Variants in ANKRD30A observed in about 807,000 individuals in gnomAD.
The protein encoded by ANKRD30A is ankyrin repeat domain-containing protein 30A.
In ANKRD30A, 170 loss-of-function variants were observed where a neutral mutation model predicts 166.3. The observed-to-expected ratio is 1.02, with a 90% CI of 0.90 to 1.16. The LOEUF (loss-of-function observed/expected upper bound fraction) is 1.16. Among genes scored for constraint, ANKRD30A ranks in the 50% most tolerant of loss-of-function variants. The pLI is 0.00. For synonymous variants in ANKRD30A, 564 were observed against 508.9 expected, an observed-to-expected ratio of 1.11 and a Z score of -1.46; for missense variants, 1,630 against 1,518.0, an observed-to-expected ratio of 1.07 and a Z score of -1.23.
the ANKRD30A span, among the ~76,000 whole-genome samples, chr10:37,237,757 C>T: frequency 6.6e-6 from 1 of 152,202 alleles, no homozygotes; most frequent in Non-Finnish European, 1.5e-5. Context: ...AAGCTATACA[C>T]ACCTCGAAGC....
At chr10:37,192,971 T>C (rs528574098) in intron 25 of ANKRD30A, 93 bp from the exon 26 acceptor site, 1 of 1,483,228 alleles carries the variant, frequency 6.7e-7, no homozygotes, top group South Asian at 1.1e-5. Context: ...AATCCAAGCA[T>C]GAGGATTCAT....
At chr10:37,215,210 C>A (rs1230561782) in intron 31 of ANKRD30A, among the ~76,000 whole-genome samples, 1 of 151,356 alleles carries the variant, frequency 6.6e-6, no homozygotes. Context: ...AGGGGCAAGG[C>A]CTTTCTGACT....
At chr10:37,161,484 G>T (rs1319477716) in intron 15 of ANKRD30A, among the ~76,000 whole-genome samples, 9 of 151,630 alleles carry the variant, frequency 5.9e-5, no homozygotes, top group Non-Finnish European at 7.4e-5. Context: ...TATTTTTTTA[G>T]TTGAAGCATT....
chr10:37,153,139 C>G (rs17590301), intron 12 of ANKRD30A, among the ~76,000 whole-genome samples: 1 of 152,116 alleles, frequency 6.6e-6, no homozygotes, highest in African/African-American at 2.4e-5. Context: ...ATTTTTAACA[C>G]TAAACAGTTC....
chr10:37,227,211 C>T (rs1488034199), intron 34 of ANKRD30A, among the ~76,000 whole-genome samples: 3 of 151,910 alleles, frequency 2.0e-5, no homozygotes. Flanking sequence ...AAGCCACTGC[C>T]AAATGTAGTC....
At chr10:37,133,005 A>T (rs1437750588) in intron 4 of ANKRD30A, among the ~76,000 whole-genome samples, 1 of 147,028 alleles carries the variant, frequency 6.8e-6, no homozygotes, top group African/African-American at 2.4e-5. Context: ...GTCTCAAAGA[A>T]AAAAAAAAAG....
chr10:37,209,406 A>T (rs1425593210), intron 31 of ANKRD30A, among the ~76,000 whole-genome samples: 2 of 152,122 alleles, frequency 1.3e-5, no homozygotes. Flanking sequence ...TGCACATCAC[A>T]TGGCCAGAGC....
intron 34 of ANKRD30A, among the ~76,000 whole-genome samples, chr10:37,223,120 A>C (rs1842970132): frequency 6.6e-6 from 1 of 151,388 alleles, no homozygotes; most frequent in Non-Finnish European, 1.5e-5. Flanking sequence ...ATTGAGAAAA[A>C]TTATGTCTGC....
chr10:37,250,631 T>G, the ANKRD30A span, among the ~76,000 whole-genome samples: 4 of 152,130 alleles, frequency 2.6e-5, no homozygotes, highest in Admixed American at 2.6e-4. Flanking sequence ...GATCAGGTTT[T>G]GAGGGCAAAC....
intron 6 of ANKRD30A, among the ~76,000 whole-genome samples, chr10:37,139,654 TCATA>T (rs1481219766): frequency 6.6e-6 from 1 of 152,214 alleles, no homozygotes; most frequent in Non-Finnish European, 1.5e-5. Context: ...TCCTATAACT[TCATA>T]TTAAAATGTT....
the ANKRD30A span, among the ~76,000 whole-genome samples, chr10:37,241,574 A>C: frequency 7.2e-5 from 11 of 152,062 alleles, no homozygotes; most frequent in Non-Finnish European, 1.3e-4. Flanking sequence ...CAAAACTACC[A>C]AGTTGTTATT....
intron 15 of ANKRD30A, among the ~76,000 whole-genome samples, chr10:37,162,053 A>G (rs1838939070): frequency 2.0e-5 from 3 of 152,160 alleles, no homozygotes; most frequent in African/African-American, 4.8e-5. Flanking sequence ...AGTTTTACAC[A>G]TCTTCTTGCA....
chr10:37,160,786 T>A (rs1316531236), intron 15 of ANKRD30A, among the ~76,000 whole-genome samples: 6 of 152,172 alleles, frequency 3.9e-5, no homozygotes, highest in Admixed American at 2.0e-4. Context: ...TCATTTCTCA[T>A]ATAAATTGTG....
At chr10:37,194,312 T>C (rs562482973) in intron 27 of ANKRD30A, among the ~76,000 whole-genome samples, 21 of 152,264 alleles carry the variant, frequency 1.4e-4, no homozygotes, top group African/African-American at 5.1e-4. Context: ...TTCAATTTTC[T>C]TCCTTTTTTT....
intron 24 of ANKRD30A, among the ~76,000 whole-genome samples, chr10:37,183,263 A>G (rs1840156548): frequency 2.0e-5 from 3 of 147,760 alleles, no homozygotes; most frequent in South Asian, 2.2e-4. Flanking sequence ...GTGACATGTC[A>G]TGAGTCTGAA....
intron 34 of ANKRD30A, among the ~76,000 whole-genome samples, chr10:37,228,638 G>T (rs1843271009): frequency 6.6e-6 from 1 of 151,940 alleles, no homozygotes; most frequent in Non-Finnish European, 1.5e-5. Flanking sequence ...AACTTGAGGG[G>T]AAATCCTAAA....
chr10:37,198,900 A>G (rs936570615), intron 29 of ANKRD30A, among the ~76,000 whole-genome samples: 1 of 152,100 alleles, frequency 6.6e-6, no homozygotes, highest in African/African-American at 2.4e-5. Flanking sequence ...CTGATAAAGA[A>G]ACTTCAACGT....
At chr10:37,135,892 G>C (rs1374390671) in intron 5 of ANKRD30A, among the ~76,000 whole-genome samples, 1 of 152,134 alleles carries the variant, frequency 6.6e-6, no homozygotes, top group Non-Finnish European at 1.5e-5. Flanking sequence ...ATAACCAAAA[G>C]TAGGAATTAA....
Position 37,219,073 on chromosome 10 carries a change from C to T in ANKRD30A, c.3361C>T (p.Leu1121=). 1 of 1,608,358 alleles carries T rather than the reference C, an allele frequency of 6.2e-7. No individual in the cohort carries two copies. The highest frequency in any genetic ancestry group is 1.1e-5 in the South Asian group (1 of 90,662). ...IAMLKLEIAT[L]KHQYQEKENK... Reference sequence around the variant, plus strand: ...CATGCTAAAACTGGAAATAGCCACACTGAAACACCAATACCAGGAAAAGGA... The same window carrying T: ...CATGCTAAAACTGGAAATAGCCACATTGAAACACCAATACCAGGAAAAGGA... The change falls in exon 34 of 36, where the codon CTG becomes TTG. Residue 1121 remains leucine, a synonymous_variant. Transcript: ENST00000361713.
Sources: allele counts gnomAD v4.1 joint callset (sites outside exome capture counted in the v4.1 genomes callset), GRCh38; gene constraint gnomAD v4.1.1; transcripts MANE v1.5; gene names NCBI Gene and HGNC (gene_info 2026-07-23, HGNC 2026-07-21).